Variants in THSD7B observed in about 807,000 individuals in gnomAD.
THSD7B encodes the protein thrombospondin type 1 domain containing 7B, also known as thrombospondin type-1 domain-containing protein 7B.
THSD7B carries 138 observed loss-of-function variants against 213.6 expected under a neutral mutation model. The ratio of observed to expected loss-of-function variants is 0.65; its 90% CI spans 0.56 to 0.74. The LOEUF (loss-of-function observed/expected upper bound fraction) is 0.74. THSD7B is among the 30% of genes least tolerant of loss of function. The pLI, the probability that THSD7B is intolerant of heterozygous loss-of-function variation, is 0.00. For synonymous variants in THSD7B, 742 were observed against 687.0 expected, an observed-to-expected ratio of 1.08 and a Z score of -1.25; for missense variants, 1,931 against 1,991.5, an observed-to-expected ratio of 0.97 and a Z score of 0.58.
At chr2:136,939,047 C>G (rs1452145356) in intron 2 of THSD7B, among the ~76,000 whole-genome samples, 1 of 152,134 alleles carries the variant, frequency 6.6e-6, no homozygotes, top group Non-Finnish European at 1.5e-5. Flanking sequence ...GTCCATTAGC[C>G]TACCTGGCCA....
chr2:137,028,258 A>G (rs1457001762), intron 2 of THSD7B, among the ~76,000 whole-genome samples: 1 of 152,224 alleles, frequency 6.6e-6, no homozygotes, highest in East Asian at 1.9e-4. Flanking sequence ...GGAACTTTAT[A>G]CACTGCATTG....
At chr2:137,625,668 C>T (rs1573750976) in intron 20 of THSD7B, among the ~76,000 whole-genome samples, 1 of 152,272 alleles carries the variant, frequency 6.6e-6, no homozygotes, top group Middle Eastern at 3.4e-3. Context: ...TTGCTGAGTG[C>T]AGCTCATGTG....
intron 15 of THSD7B, among the ~76,000 whole-genome samples, chr2:137,542,635 T>C (rs1462755316): frequency 6.6e-6 from 1 of 151,710 alleles, no homozygotes; most frequent in African/African-American, 2.4e-5. Context: ...GTATACCATA[T>C]GTTCAGATTC....
intron 2 of THSD7B, among the ~76,000 whole-genome samples, chr2:136,975,736 G>A (rs1386105855): frequency 1.3e-5 from 2 of 152,178 alleles, no homozygotes; most frequent in African/African-American, 4.8e-5. Flanking sequence ...GTCAATGGTA[G>A]TTTGATGGAA....
At chr2:136,979,778 C>T (rs1685542968) in intron 2 of THSD7B, among the ~76,000 whole-genome samples, 1 of 152,140 alleles carries the variant, frequency 6.6e-6, no homozygotes, top group Admixed American at 6.5e-5. Context: ...TCAATTCATC[C>T]ATCTCAGCCT....
chr2:137,605,648 CTT>C (rs34604281), intron 17 of THSD7B, among the ~76,000 whole-genome samples: 211 of 68,808 alleles, frequency 3.1e-3, no homozygotes, highest in Non-Finnish European at 4.7e-3. Context: ...GCACTTCGCA[CTT>C]TTTTTTTTTT....
chr2:137,386,719 A>C (rs1685904619), intron 12 of THSD7B, among the ~76,000 whole-genome samples: 1 of 152,080 alleles, frequency 6.6e-6, no homozygotes, highest in Non-Finnish European at 1.5e-5. Flanking sequence ...TTCATCTCAT[A>C]ATTGAAAAGA....
At chr2:137,465,325 T>C (rs531936828) in intron 15 of THSD7B, among the ~76,000 whole-genome samples, 3 of 151,914 alleles carry the variant, frequency 2.0e-5, no homozygotes, top group East Asian at 3.9e-4. Flanking sequence ...TAAAAGACAG[T>C]TCAAGTTGGG....
At chr2:137,041,298 G>T (rs1251576800) in intron 2 of THSD7B, among the ~76,000 whole-genome samples, 8 of 152,126 alleles carry the variant, frequency 5.3e-5, no homozygotes, top group Admixed American at 5.2e-4. Context: ...GTCTCCTTGA[G>T]GTTGTTGATG....
chr2:137,123,093 C>G (rs998970874), intron 5 of THSD7B, among the ~76,000 whole-genome samples: 3 of 152,186 alleles, frequency 2.0e-5, no homozygotes, highest in Non-Finnish European at 4.4e-5. Context: ...CTTTTACCAT[C>G]TTCTTTCTTG....
At chr2:136,806,319 G>A (rs1682280317) in intron 1 of THSD7B, among the ~76,000 whole-genome samples, 1 of 152,194 alleles carries the variant, frequency 6.6e-6, no homozygotes, top group Admixed American at 6.5e-5. Context: ...CCAACTCCTA[G>A]CTGCATGGCC....
At chr2:137,548,522 T>C (rs766514399) in intron 15 of THSD7B, among the ~76,000 whole-genome samples, 1 of 152,020 alleles carries the variant, frequency 6.6e-6, no homozygotes, top group African/African-American at 2.4e-5. Flanking sequence ...TTATTTGGAA[T>C]ATCTCACAAT....
intron 3 of THSD7B, among the ~76,000 whole-genome samples, chr2:137,080,700 CTTCTT>C (rs1341040712): frequency 7.3e-5 from 11 of 151,562 alleles, no homozygotes; most frequent in African/African-American, 2.4e-5. Flanking sequence ...TTTTCTCTCT[CTTCTT>C]CTTCTTCTTC....
intron 12 of THSD7B, among the ~76,000 whole-genome samples, chr2:137,285,994 C>T (rs1211922530): frequency 1.3e-5 from 2 of 151,398 alleles, no homozygotes; most frequent in Non-Finnish European, 2.9e-5. Flanking sequence ...ATCCCAACTA[C>T]TCGGGAGGCT....
intron 9 of THSD7B, among the ~76,000 whole-genome samples, chr2:137,237,182 A>G (rs1374621177): frequency 6.6e-6 from 1 of 151,842 alleles, no homozygotes. Context: ...AGAACATTCC[A>G]GTGCAAGTCC....
chr2:137,355,795 CT>C (rs1281050817), intron 12 of THSD7B, among the ~76,000 whole-genome samples: 3 of 152,064 alleles, frequency 2.0e-5, no homozygotes, highest in Admixed American at 6.5e-5. Flanking sequence ...CCCCTTTTTC[CT>C]TCTCTGTAAA....
chr2:137,459,074 AC>A (rs1451109771), intron 15 of THSD7B, among the ~76,000 whole-genome samples: 2 of 151,966 alleles, frequency 1.3e-5, no homozygotes, highest in African/African-American at 4.8e-5. Context: ...TCCTTTTTTC[AC>A]CATACACATT....
intron 1 of THSD7B, among the ~76,000 whole-genome samples, chr2:136,850,971 G>A (rs1683089472): frequency 6.6e-6 from 1 of 151,942 alleles, no homozygotes; most frequent in Admixed American, 6.6e-5. Flanking sequence ...TTTTTCTTCA[G>A]CTATTGGAAG....
At chr2:136,788,705 G>A (rs1347136013) in intron 1 of THSD7B, among the ~76,000 whole-genome samples, 1 of 152,032 alleles carries the variant, frequency 6.6e-6, no homozygotes, top group Non-Finnish European at 1.5e-5. Context: ...CAAACCTTAA[G>A]TTTTATGGCC....
Sources: gnomAD v4.1 joint callset for allele counts (sites outside exome capture counted in the v4.1 genomes callset) on GRCh38, gnomAD v4.1.1 for gene constraint, MANE v1.5 for transcripts, NCBI Gene and HGNC (gene_info 2026-07-23, HGNC 2026-07-21) for gene names.